Variants in ADCY2 observed in about 807,000 individuals in gnomAD.
ADCY2 encodes the protein adenylate cyclase type 2.
In ADCY2, 31 loss-of-function variants were observed where a neutral mutation model predicts 125.2. The observed-to-expected ratio is 0.25, with a 90% CI of 0.19 to 0.33. ADCY2 has a LOEUF of 0.33. Ranked by LOEUF, ADCY2 falls within the 10% of genes least tolerant of loss-of-function variation. The probability of loss-of-function intolerance (pLI) is 1.00; values close to 1 mark genes in which losing one functional copy is unlikely to be tolerated. For synonymous variants in ADCY2, 512 were observed against 548.4 expected, an observed-to-expected ratio of 0.93 and a Z score of 0.93; for missense variants, 904 against 1,418.2, an observed-to-expected ratio of 0.64 and a Z score of 5.82.
intron 4 of ADCY2, among the ~76,000 whole-genome samples, chr5:7,659,408 A>C (rs1739451207): frequency 6.6e-6 from 1 of 152,214 alleles, no homozygotes. Context: ...AGATTGCTGT[A>C]CTGTGTTGGT....
chr5:7,774,144 G>A (rs1743640590), intron 18 of ADCY2, among the ~76,000 whole-genome samples: 2 of 152,162 alleles, frequency 1.3e-5, no homozygotes, highest in Admixed American at 1.3e-4. Context: ...TGTTAGGAAC[G>A]GCAGTTATCC....
At chr5:7,731,161 T>C (rs776059677) in intron 14 of ADCY2, among the ~76,000 whole-genome samples, 15 of 152,174 alleles carry the variant, frequency 9.9e-5, no homozygotes, top group Non-Finnish European at 1.9e-4. Context: ...TGTTTTCATA[T>C]CTAAGAAGTC....
intron 4 of ADCY2, among the ~76,000 whole-genome samples, chr5:7,686,541 T>A (rs1740526758): frequency 6.6e-6 from 1 of 152,230 alleles, no homozygotes; most frequent in African/African-American, 2.4e-5. Flanking sequence ...TTGCATGAGC[T>A]TTACTAGAAA....
intron 14 of ADCY2, among the ~76,000 whole-genome samples, chr5:7,733,785 A>G (rs73043524): frequency 0.044 from 6,736 of 152,194 alleles, 495 homozygotes; most frequent in African/African-American, 0.15. Flanking sequence ...GTGTGTCTGA[A>G]AATTCAGATC....
intron 23 of ADCY2, among the ~76,000 whole-genome samples, chr5:7,819,374 T>G (rs575734896): frequency 1.4e-4 from 21 of 152,324 alleles, no homozygotes; most frequent in East Asian, 9.6e-4. Flanking sequence ...CATATTGCCC[T>G]GCACTGCAGC....
Position 7,657,359 on chromosome 5 carries a change from C to T in ADCY2, c.720+31043C>T, listed in dbSNP as rs1181490348. ...TTCCTTCATCACGCATACTTTTCTG[C>T]GTATGCAGAATGTGTAGATTAGGGC... is the stretch of plus-strand genomic sequence containing the variant. On this transcript the variant is annotated intron_variant, in intron 4 of 24. Coordinates refer to ENST00000338316, the MANE Select transcript of ADCY2 (RefSeq NM_020546.3). Among the ~76,000 whole-genome samples, 6 of 152,298 alleles carry T rather than the reference C, an allele frequency of 3.9e-5. No individual in the cohort carries two copies. The East Asian group carries it at 5.8e-4, about 15-fold the overall frequency.
At position 7,802,404 on chromosome 5, in the gene ADCY2, TCA is replaced by T; in HGVS notation, c.2775+41_2775+42del. The T allele has an allele frequency of 6.2e-7, 1 of 1,605,270 alleles. No homozygotes were observed. Among genetic ancestry groups the T allele is most frequent in the Non-Finnish European group, 8.5e-7 (1 of 1,175,118 alleles). ...TTGCCCTCGAAGGGCAGCAGTACAC[TCA>T]GTCTCACACCTGTGCACTTGAAGTT... is the stretch of plus-strand genomic sequence containing the variant. On this transcript the variant is annotated intron_variant, in intron 21 of 24. Transcript: ENST00000338316. This position sits in a 1 kb window ranked among gnomAD's most constrained non-coding sequence, Gnocchi z 4.6.
intron 21 of ADCY2, 37 bp from the exon 22 acceptor site, chr5:7,804,548 C>T: frequency 6.7e-7 from 1 of 1,485,062 alleles, no homozygotes; most frequent in Non-Finnish European, 9.4e-7. Flanking sequence ...AGGTCAGCAT[C>T]CAGCTGAGTA....
chr5:7,645,750 T>G (rs551299442), intron 4 of ADCY2, among the ~76,000 whole-genome samples: 10 of 152,286 alleles, frequency 6.6e-5, no homozygotes, highest in Non-Finnish European at 1.2e-4. Flanking sequence ...GCTTTCCAAA[T>G]AACCATGCTA....
chr5:7,668,177 T>C (rs1419536510), intron 4 of ADCY2, among the ~76,000 whole-genome samples: 1 of 152,232 alleles, frequency 6.6e-6, no homozygotes, highest in African/African-American at 2.4e-5. Context: ...AAAGACTAGA[T>C]GTTTTTGTGA....
At chr5:7,506,585 A>G (rs1179293297) in intron 2 of ADCY2, among the ~76,000 whole-genome samples, 1 of 152,186 alleles carries the variant, frequency 6.6e-6, no homozygotes, top group Non-Finnish European at 1.5e-5. Context: ...TCGTCAGTGT[A>G]TTCCTATTTA....
At chr5:7,495,305 G>T (rs370659173) in intron 2 of ADCY2, among the ~76,000 whole-genome samples, 1 of 152,138 alleles carries the variant, frequency 6.6e-6, no homozygotes, top group East Asian at 1.9e-4. Context: ...GCCAGGAAAC[G>T]CCTGTATCTC....
intron 3 of ADCY2, among the ~76,000 whole-genome samples, chr5:7,578,955 G>T (rs532894147): frequency 1.3e-5 from 2 of 152,260 alleles, no homozygotes; most frequent in African/African-American, 4.8e-5. Flanking sequence ...TGGACTCCAC[G>T]TAAGCCACTC....
intron 2 of ADCY2, among the ~76,000 whole-genome samples, chr5:7,513,718 T>C (rs1476979085): frequency 6.6e-6 from 1 of 152,206 alleles, no homozygotes; most frequent in Non-Finnish European, 1.5e-5. Context: ...TGAGATACAA[T>C]GTATAAGAAC....
At chr5:7,630,058 C>A (rs2126662231) in intron 4 of ADCY2, among the ~76,000 whole-genome samples, 1 of 152,186 alleles carries the variant, frequency 6.6e-6, no homozygotes, top group Non-Finnish European at 1.5e-5. Context: ...CAGAACATTC[C>A]TTTTAGTAAA....
chr5:7,518,904 G>T lies in ADCY2; in HGVS notation c.409-1834G>T, dbSNP rs552168481. Among the ~76,000 whole-genome samples, 21 of 152,260 alleles carry T rather than the reference G, an allele frequency of 1.4e-4. No homozygotes were observed. In the South Asian group the frequency reaches 4.0e-3, roughly 29 times the overall value. The stretch of plus-strand genomic sequence containing the variant: ...GGCCCTGAGGCCCCTGAGAGCTGGG[G>T]CTCTGTCCTGCACCCTCCACCTCCA... On this transcript the variant is annotated intron_variant, in intron 2 of 24. Coordinates refer to ENST00000338316, the MANE Select transcript of ADCY2 (RefSeq NM_020546.3).
At chr5:7,700,207 G>T (rs531616142) in intron 7 of ADCY2, among the ~76,000 whole-genome samples, 4 of 152,226 alleles carry the variant, frequency 2.6e-5, no homozygotes, top group African/African-American at 9.6e-5. Context: ...TATATTTTCT[G>T]CATTGTATCT....
intron 15 of ADCY2, among the ~76,000 whole-genome samples, chr5:7,756,332 G>C (rs1028569897): frequency 1.4e-4 from 21 of 152,166 alleles, no homozygotes; most frequent in African/African-American, 4.3e-4. Context: ...AATGCTGGCT[G>C]TCGTTCCCCA....
intron 4 of ADCY2, among the ~76,000 whole-genome samples, chr5:7,667,289 A>G (rs1386290557): frequency 1.3e-5 from 2 of 152,164 alleles, no homozygotes; most frequent in African/African-American, 4.8e-5. Context: ...TTCTTTCTTC[A>G]GTTCTGCCTT....
Sources: gnomAD v4.1 joint callset for allele counts (sites outside exome capture counted in the v4.1 genomes callset) on GRCh38, gnomAD v4.1.1 for gene constraint, Gnocchi (gnomAD v3.1) non-coding constraint, MANE v1.5 for transcripts, NCBI Gene and HGNC (gene_info 2026-07-23, HGNC 2026-07-21) for gene names.